Variants in SLC24A2 observed in about 807,000 individuals in gnomAD.
SLC24A2 encodes the protein sodium/potassium/calcium exchanger 2.
Under a neutral mutation model 62.0 loss-of-function variants are expected in SLC24A2, and 36 were observed. That is an observed-to-expected ratio of 0.58 (90% CI 0.44 to 0.77). SLC24A2 has a LOEUF of 0.77. SLC24A2 is among the 30% of genes least tolerant of loss of function. The probability of loss-of-function intolerance (pLI) is 0.00; values close to 1 mark genes in which losing one functional copy is unlikely to be tolerated. For synonymous variants in SLC24A2, 358 were observed against 294.0 expected (o/e 1.22, Z -2.23); for missense variants, 846 against 817.9 (o/e 1.03, Z -0.42).
At chr9:20,263,009 T>C in the SLC24A2 span, among the ~76,000 whole-genome samples, 1 of 151,916 alleles carries the variant, frequency 6.6e-6, no homozygotes, top group African/African-American at 2.4e-5. Flanking sequence ...TAAATCAGGG[T>C]GGAATAAATA....
At chr9:19,568,684 C>T (rs541265349) in intron 7 of SLC24A2, among the ~76,000 whole-genome samples, 2 of 152,292 alleles carry the variant, frequency 1.3e-5, no homozygotes, top group Admixed American at 6.5e-5. Flanking sequence ...GTGGTCCATC[C>T]TCAGAGTCTG....
chr9:20,018,212 G>T, the SLC24A2 span, among the ~76,000 whole-genome samples: 5 of 152,204 alleles, frequency 3.3e-5, no homozygotes, highest in Non-Finnish European at 7.3e-5. Flanking sequence ...CTCCTAAAGT[G>T]CTGGGATTAC....
the SLC24A2 span, among the ~76,000 whole-genome samples, chr9:20,306,012 C>T: frequency 6.6e-6 from 1 of 152,106 alleles, no homozygotes; most frequent in Non-Finnish European, 1.5e-5. Flanking sequence ...TGGATTAGAG[C>T]CTACTCCAAT....
chr9:19,513,162 A>ATATATATATG lies in SLC24A2; in HGVS notation c.*2990_*2991insCATATATATA, dbSNP rs1210283248. ...ATAGATCTGGTATAAAGATATATAT[A>ATATATATATG]TATATATATATATGTATATATATAT... On this transcript the variant is annotated 3_prime_UTR_variant, in exon 11 of 11. Coordinates refer to ENST00000341998, the MANE Select transcript of SLC24A2 (RefSeq NM_020344.4). 9.3e-4 allele frequency: 56 copies of ATATATATATG among 60,508 alleles called. No homozygotes were observed. The highest frequency in any genetic ancestry group is 3.2e-3 in the African/African-American group (52 of 16,106). 3.7% of individuals were successfully genotyped at this position (60,508 alleles called of 1,614,324 possible).
chr9:19,621,509 T>C (rs1261166769), intron 3 of SLC24A2, among the ~76,000 whole-genome samples: 10 of 152,218 alleles, frequency 6.6e-5, no homozygotes, highest in Non-Finnish European at 1.3e-4. Context: ...TTATAGAGGA[T>C]TCAGATGATT....
chr9:19,534,750 G>A (rs1271164612), intron 8 of SLC24A2, among the ~76,000 whole-genome samples: 1 of 152,094 alleles, frequency 6.6e-6, no homozygotes, highest in Non-Finnish European at 1.5e-5. Flanking sequence ...TCTTTATCCA[G>A]TCTACCACTG....
In SLC24A2 at chr9:19,529,089, G is replaced by C. The variant is rs1405689405; in HGVS notation, c.1480-951C>G. Among the ~76,000 whole-genome samples the C allele has an allele frequency of 2.6e-5, 4 of 152,274 alleles. 1 individual carries two copies. In the South Asian group the frequency reaches 8.3e-4, roughly 32 times the overall value. Reference sequence around the variant, plus strand: ...GGTCTTTTAAAAACACACTCAGACAGCACAATGCTGTCAGAGAGCCTCTTG... The same window carrying C: ...GGTCTTTTAAAAACACACTCAGACACCACAATGCTGTCAGAGAGCCTCTTG... On this transcript the variant is annotated intron_variant, in intron 8 of 10. Coordinates refer to ENST00000341998, the MANE Select transcript of SLC24A2 (RefSeq NM_020344.4).
At chr9:19,923,557 A>G in the SLC24A2 span, among the ~76,000 whole-genome samples, 2 of 152,072 alleles carry the variant, frequency 1.3e-5, no homozygotes, top group Non-Finnish European at 2.9e-5. Flanking sequence ...TGGAAGCCAC[A>G]TTGCCGCAGT....
chr9:19,737,193 G>A (rs1564072339), intron 2 of SLC24A2, among the ~76,000 whole-genome samples: 1 of 152,118 alleles, frequency 6.6e-6, no homozygotes, highest in Non-Finnish European at 1.5e-5. Context: ...ACAGATAGAG[G>A]TCCACATTCT....
intron 2 of SLC24A2, among the ~76,000 whole-genome samples, chr9:19,761,333 C>G (rs984515593): frequency 6.6e-6 from 1 of 152,070 alleles, no homozygotes; most frequent in Admixed American, 6.5e-5. Flanking sequence ...TGTTTCCTGA[C>G]TTTTTAATGA....
the SLC24A2 span, among the ~76,000 whole-genome samples, chr9:20,138,202 T>C: frequency 6.6e-6 from 1 of 152,194 alleles, no homozygotes; most frequent in Non-Finnish European, 1.5e-5. Context: ...CTGGTAAAAC[T>C]AGGCTTCATT....
intron 2 of SLC24A2, among the ~76,000 whole-genome samples, chr9:19,630,423 TA>T (rs978534255): frequency 6.6e-6 from 1 of 152,160 alleles, no homozygotes; most frequent in Non-Finnish European, 1.5e-5. Context: ...TCTTTTATTT[TA>T]AAAAAGATTA....
At chr9:19,843,499 C>T in the SLC24A2 span, among the ~76,000 whole-genome samples, 27 of 152,142 alleles carry the variant, frequency 1.8e-4, 1 homozygote, top group South Asian at 4.8e-3. Flanking sequence ...GCAACAAGAG[C>T]GAAACTCCAT....
At chr9:20,245,851 CTTAT>C in the SLC24A2 span, among the ~76,000 whole-genome samples, 5 of 152,098 alleles carry the variant, frequency 3.3e-5, no homozygotes, top group African/African-American at 1.2e-4. Context: ...CATGCTAATC[CTTAT>C]TTAACCTTCA....
the SLC24A2 span, among the ~76,000 whole-genome samples, chr9:20,294,861 C>T: frequency 6.6e-6 from 1 of 152,092 alleles, no homozygotes; most frequent in East Asian, 1.9e-4. Flanking sequence ...TCCTACAAGC[C>T]TGAGCTCTTC....
At chr9:19,832,498 C>G in the SLC24A2 span, among the ~76,000 whole-genome samples, 2 of 152,140 alleles carry the variant, frequency 1.3e-5, no homozygotes, top group Admixed American at 1.3e-4. Context: ...GGAAACGATT[C>G]CCTATTTAAT....
the SLC24A2 span, among the ~76,000 whole-genome samples, chr9:20,104,423 G>GA: frequency 4.6e-5 from 7 of 152,102 alleles, no homozygotes; most frequent in African/African-American, 1.7e-4. Context: ...TGAAATGAAG[G>GA]AAAAAATGTT....
the SLC24A2 span, among the ~76,000 whole-genome samples, chr9:20,120,610 TA>T: frequency 6.6e-6 from 1 of 152,288 alleles, no homozygotes; most frequent in Admixed American, 6.5e-5. Flanking sequence ...CTATGTTGAT[TA>T]CCTGGGTGAT....
At chr9:19,827,158 G>A in the SLC24A2 span, among the ~76,000 whole-genome samples, 1 of 152,110 alleles carries the variant, frequency 6.6e-6, no homozygotes, top group African/African-American at 2.4e-5. Flanking sequence ...ACACACACAA[G>A]GCTGAGAGGA....
Sources: allele counts gnomAD v4.1 joint callset (sites outside exome capture counted in the v4.1 genomes callset), GRCh38; gene constraint gnomAD v4.1.1; transcripts MANE v1.5; gene names NCBI Gene and HGNC (gene_info 2026-07-23, HGNC 2026-07-21).